The following BNC2 variants were observed in gnomAD, a reference collection of about 807,000 sequenced individuals.
The protein encoded by BNC2 is zinc finger protein basonuclin-2.
Under a neutral mutation model 76.3 loss-of-function variants are expected in BNC2, and 20 were observed. That is an observed-to-expected ratio of 0.26 (90% CI 0.18 to 0.38). BNC2 has a LOEUF of 0.38. Ranked by LOEUF, BNC2 falls within the 10% of genes least tolerant of loss-of-function variation. The pLI is 1.00. For synonymous variants in BNC2, 582 were observed against 514.8 expected, an observed-to-expected ratio of 1.13 and a Z score of -1.77; for missense variants, 1,382 against 1,399.8, an observed-to-expected ratio of 0.99 and a Z score of 0.20.
intron 5 of BNC2, among the ~76,000 whole-genome samples, chr9:16,447,420 T>A (rs1821251996): frequency 6.6e-6 from 1 of 152,150 alleles, no homozygotes; most frequent in African/African-American, 2.4e-5. Flanking sequence ...ATGCCTAGAA[T>A]CTGAACATAT....
intron 3 of BNC2, among the ~76,000 whole-genome samples, chr9:16,623,329 T>C (rs1018409724): frequency 2.0e-5 from 3 of 152,144 alleles, no homozygotes; most frequent in Non-Finnish European, 4.4e-5. Flanking sequence ...TGTCATGACG[T>C]GTTTAAAATT....
intron 5 of BNC2, among the ~76,000 whole-genome samples, chr9:16,471,196 C>T (rs879320525): frequency 1.3e-5 from 2 of 152,096 alleles, no homozygotes; most frequent in Non-Finnish European, 2.9e-5. Flanking sequence ...AACCCTGTAA[C>T]CCCTCTGTTT....
chr9:16,425,469 C>T (rs2119213374), intron 6 of BNC2, among the ~76,000 whole-genome samples: 1 of 152,260 alleles, frequency 6.6e-6, no homozygotes, highest in African/African-American at 2.4e-5. Flanking sequence ...ATCTTGTCAA[C>T]AAGGGGCGAT....
chr9:16,586,240 C>T (rs1021423962), intron 3 of BNC2, among the ~76,000 whole-genome samples: 4 of 152,044 alleles, frequency 2.6e-5, no homozygotes, highest in African/African-American at 2.4e-5. Context: ...ATCAGCATAT[C>T]CCAACTCCCC....
intron 1 of BNC2, among the ~76,000 whole-genome samples, chr9:16,785,335 G>C (rs371759688): frequency 1.3e-5 from 2 of 152,148 alleles, no homozygotes; most frequent in African/African-American, 4.8e-5. Context: ...CAAAAACTGA[G>C]GCCACGGGGA....
At chr9:16,778,759 T>A (rs1826037859) in intron 1 of BNC2, among the ~76,000 whole-genome samples, 1 of 152,024 alleles carries the variant, frequency 6.6e-6, no homozygotes, top group Admixed American at 6.6e-5. Flanking sequence ...TAAGCTGAAA[T>A]CTCAGATGCC....
intron 3 of BNC2, among the ~76,000 whole-genome samples, chr9:16,722,128 G>A (rs1407716028): frequency 1.3e-5 from 2 of 152,190 alleles, no homozygotes; most frequent in Admixed American, 1.3e-4. Context: ...TCAAGTGGAT[G>A]ACGCCAGCTC....
In BNC2 at chr9:16,537,172, T is replaced by C. The variant is rs377606489; in HGVS notation, c.669+15358A>G. ...GGATAGAAGATGTCTATACCATTTATACATTTATTCTGCAGGAAAATATGC... is the reference window on the plus strand; with the variant it reads ...GGATAGAAGATGTCTATACCATTTACACATTTATTCTGCAGGAAAATATGC... On this transcript the variant is annotated intron_variant, in intron 5 of 6. Transcript: ENST00000380672. 3.9e-5 allele frequency among the ~76,000 whole-genome samples: 6 copies of C among 152,158 alleles called. No homozygotes were observed. In the East Asian group the frequency reaches 5.8e-4, roughly 15 times the overall value.
At chr9:16,495,338 A>G (rs1822365275) in intron 5 of BNC2, among the ~76,000 whole-genome samples, 1 of 152,238 alleles carries the variant, frequency 6.6e-6, no homozygotes, top group South Asian at 2.1e-4. Context: ...TTTCTGTTCC[A>G]TATAGTGAGA....
At chr9:16,629,887 T>C (rs1322492855) in intron 3 of BNC2, among the ~76,000 whole-genome samples, 2 of 152,222 alleles carry the variant, frequency 1.3e-5, no homozygotes, top group African/African-American at 4.8e-5. Flanking sequence ...AGGGTGGTGG[T>C]TGATGAAGAC....
intron 1 of BNC2, among the ~76,000 whole-genome samples, chr9:16,819,727 C>A (rs1818271229): frequency 6.6e-6 from 1 of 152,082 alleles, no homozygotes; most frequent in South Asian, 2.1e-4. Context: ...ATTAAGACTA[C>A]CTTTATGTTT....
At chr9:16,487,083 T>G (rs1822180327) in intron 5 of BNC2, among the ~76,000 whole-genome samples, 1 of 152,194 alleles carries the variant, frequency 6.6e-6, no homozygotes, top group South Asian at 2.1e-4. Context: ...ATATTCCCCT[T>G]TTACAGATGA....
chr9:16,468,505 C>T (rs544645445), intron 5 of BNC2, among the ~76,000 whole-genome samples: 100 of 152,194 alleles, frequency 6.6e-4, no homozygotes, highest in African/African-American at 2.3e-3. Flanking sequence ...AAGCAACTCT[C>T]CCGCCTCAGC....
chr9:16,469,000 T>C (rs1821757647), intron 5 of BNC2, among the ~76,000 whole-genome samples: 1 of 152,242 alleles, frequency 6.6e-6, no homozygotes, highest in Non-Finnish European at 1.5e-5. Flanking sequence ...TGAATATATC[T>C]AGTTAAAATC....
At chr9:16,605,177 A>C (rs1290074186) in intron 3 of BNC2, among the ~76,000 whole-genome samples, 1 of 152,252 alleles carries the variant, frequency 6.6e-6, no homozygotes, top group Non-Finnish European at 1.5e-5. Flanking sequence ...ACAATAAATT[A>C]GTAGAGAATG....
intron 5 of BNC2, among the ~76,000 whole-genome samples, chr9:16,464,079 G>GT: frequency 8.5e-6 from 1 of 117,986 alleles, no homozygotes; most frequent in East Asian, 2.4e-4. Context: ...AGGAGACAGG[G>GT]CAAGACCCTG....
chr9:16,501,688 C>A (rs572117281), intron 5 of BNC2, among the ~76,000 whole-genome samples: 2 of 152,192 alleles, frequency 1.3e-5, no homozygotes, highest in East Asian at 3.9e-4. Flanking sequence ...TAAATAAGGG[C>A]CCTAAAAACT....
At chr9:16,768,621 G>C (rs1825756502) in intron 1 of BNC2, among the ~76,000 whole-genome samples, 1 of 151,978 alleles carries the variant, frequency 6.6e-6, no homozygotes, top group African/African-American at 2.4e-5. Flanking sequence ...GAGGGGGGTG[G>C]AATCCAACCT....
At chr9:16,577,053 T>C (rs753229119) in intron 4 of BNC2, among the ~76,000 whole-genome samples, 12 of 152,158 alleles carry the variant, frequency 7.9e-5, no homozygotes, top group Non-Finnish European at 1.5e-4. Flanking sequence ...TTTTTGATTA[T>C]AGGATGCTTA....
Sources: gnomAD v4.1 joint callset for allele counts (sites outside exome capture counted in the v4.1 genomes callset) on GRCh38, gnomAD v4.1.1 for gene constraint, MANE v1.5 for transcripts, NCBI Gene and HGNC (gene_info 2026-07-23, HGNC 2026-07-21) for gene names.